The following DLG5 variants were observed in gnomAD, a reference collection of about 807,000 sequenced individuals.
DLG5 encodes the protein disks large homolog 5.
A neutral mutation model predicts 189.8 loss-of-function variants in DLG5; 48 were observed. That is an observed-to-expected ratio of 0.25 (90% CI 0.20 to 0.32). The LOEUF is 0.32. Ranked by LOEUF, DLG5 falls within the 10% of genes least tolerant of loss-of-function variation. The pLI is 1.00. For missense variants in DLG5, 2,160 were observed against 2,544.7 expected (o/e 0.85, Z 3.25); for synonymous variants, 1,016 against 1,054.1 (o/e 0.96, Z 0.70).
intron 2 of DLG5, among the ~76,000 whole-genome samples, chr10:77,863,482 C>T (rs1844552574): frequency 6.6e-6 from 1 of 152,142 alleles, no homozygotes; most frequent in South Asian, 2.1e-4. Flanking sequence ...GAGATGAGGA[C>T]CAACCTCCTC....
chr10:77,905,400 G>A (rs768376967), intron 1 of DLG5, among the ~76,000 whole-genome samples: 7 of 152,176 alleles, frequency 4.6e-5, no homozygotes, highest in African/African-American at 9.7e-5. Flanking sequence ...TGGCCAAGAT[G>A]AGAATATGGG....
chr10:77,902,859 C>CAAAAAATAAATA (rs139467052), intron 1 of DLG5, among the ~76,000 whole-genome samples: 1 of 146,594 alleles, frequency 6.8e-6, no homozygotes, highest in Non-Finnish European at 1.5e-5. Flanking sequence ...GACTCCATCT[C>CAAAAAATAAATA]AAAAAATAAA....
At chr10:77,859,916 A>C (rs1009308699) in intron 2 of DLG5, among the ~76,000 whole-genome samples, 23 of 152,170 alleles carry the variant, frequency 1.5e-4, no homozygotes, top group African/African-American at 5.6e-4. Context: ...AAAGACCCTG[A>C]GCTTCACTGC....
intron 1 of DLG5, among the ~76,000 whole-genome samples, chr10:77,887,089 G>C (rs1018372857): frequency 6.6e-6 from 1 of 152,114 alleles, no homozygotes; most frequent in Admixed American, 6.5e-5. Context: ...CTCTGTGCAG[G>C]CCCTTCCAAT....
intron 7 of DLG5, among the ~76,000 whole-genome samples, chr10:77,838,529 CTCCCCATGCTACCTCTTTGCTCCCTCT>C (rs1225016782): frequency 6.6e-6 from 1 of 152,202 alleles, no homozygotes; most frequent in African/African-American, 2.4e-5. Context: ...GGCCCCCGGC[CTCCCCATGCTACCTCTTTGCTCCCTCT>C]TTGCCTCAGC....
rs373561612 is a variant in DLG5 at position 77,821,959 on chromosome 10, G to A, written c.2525C>T (p.Thr842Met). The change falls in exon 15 of 32, where the codon ACG becomes ATG. Residue 842 changes from threonine (T) to methionine (M), a missense_variant. By Grantham distance (81) the Thr-to-Met change is moderately conservative. Coordinates refer to ENST00000372391, the MANE Select transcript of DLG5 (RefSeq NM_004747.4). ...GTCCGTGTAGAAGATGTCTGTCTGC[G>A]TGGAGTTATTGTGCTGTATCAAGTT... The part of the protein sequence containing the change: ...KRNLIQHNNS[T>M]QTDIFYTDRL... 1.9e-6 allele frequency: 3 copies of A among 1,614,122 alleles called. No homozygotes were observed. The highest frequency in any genetic ancestry group is 2.2e-5 in the East Asian group (1 of 44,890).
At chr10:77,802,147 C>T (rs373725134) in intron 27 of DLG5, among the ~76,000 whole-genome samples, 2 of 152,186 alleles carry the variant, frequency 1.3e-5, no homozygotes, top group African/African-American at 4.8e-5. Context: ...ATTTGACTGA[C>T]CCAGTGGTCC....
chr10:77,863,967 G>T lies in DLG5; in HGVS notation c.373+5162C>A, dbSNP rs553838992. Among the ~76,000 whole-genome samples the T allele has an allele frequency of 2.0e-5, 3 of 152,310 alleles. No individual in the cohort carries two copies. The South Asian group carries it at 6.2e-4, about 32-fold the overall frequency. ...AAGCAGGACAGAAGGAAGGGGCTCA[G>T]AGCCGTCCCAACACAACCCATCTCA... On this transcript the variant is annotated intron_variant, in intron 2 of 31. Transcript: ENST00000372391.
chr10:77,819,441 G>C lies in DLG5; in HGVS notation c.3551C>G (p.Pro1184Arg). The C allele has an allele frequency of 6.2e-7, 1 of 1,613,690 alleles. No individual in the cohort carries two copies. The highest frequency in any genetic ancestry group is 8.5e-7 in the Non-Finnish European group (1 of 1,179,990). ...CAGGATGGAGCTCACAGTGGTGCTG[G>C]GGGTCAAACTCCGGGGAACAGTGCC... ...SVGTVPRSLT[P>R]STTVSSILRN... Residue 1184 changes from proline to arginine, a missense_variant, in exon 17 of 32, where the codon CCC (proline) becomes CGC (arginine). Transcript: ENST00000372391.
chr10:77,793,103 A>C (rs910290057), intron 31 of DLG5: 5 of 152,588 alleles, frequency 3.3e-5, no homozygotes, highest in Non-Finnish European at 7.3e-5. Flanking sequence ...AGAAACTGCT[A>C]TGGAAACAGG....
At chr10:77,880,123 T>C (rs909691402) in intron 1 of DLG5, among the ~76,000 whole-genome samples, 1 of 151,014 alleles carries the variant, frequency 6.6e-6, no homozygotes, top group African/African-American at 2.4e-5. Context: ...AGAGGAGAAG[T>C]GGGTAGTGAG....
At chr10:77,826,140 C>A (rs12243478) in intron 13 of DLG5, among the ~76,000 whole-genome samples, 5,006 of 152,174 alleles carry the variant, frequency 0.033, 288 homozygotes, top group African/African-American at 0.11. Context: ...ACCCAGCAAA[C>A]CCCACCCCCA....
chr10:77,815,456 T>C (rs1298594044), intron 20 of DLG5, among the ~76,000 whole-genome samples: 1 of 152,182 alleles, frequency 6.6e-6, no homozygotes, highest in African/African-American at 2.4e-5. Context: ...GGTCAGGAGT[T>C]CAAGATAAGC....
intron 2 of DLG5, among the ~76,000 whole-genome samples, chr10:77,863,081 T>C (rs1017892929): frequency 1.3e-5 from 2 of 152,082 alleles, no homozygotes; most frequent in South Asian, 4.1e-4. Flanking sequence ...TCAATGAACA[T>C]AACCTTAACA....
intron 13 of DLG5, among the ~76,000 whole-genome samples, chr10:77,828,486 C>CAAA (rs34839290): frequency 0.041 from 2,709 of 66,346 alleles, 317 homozygotes; most frequent in African/African-American, 0.14. Flanking sequence ...GACTCCATAT[C>CAAA]AAAAAAAAAA....
chr10:77,828,952 G>A lies in DLG5; in HGVS notation c.2219C>T (p.Ala740Val). The change falls in exon 13 of 32, where the codon GCT (alanine) becomes GTT (valine). Residue 740 changes from alanine to valine, a missense_variant. Physicochemically the swap from Ala to Val is moderately conservative, Grantham distance 64. Around this residue, in one of 5 missense-constraint regions of DLG5, gnomAD observed 107 missense variants for 214.5 expected, o/e 0.50. Transcript: ENST00000372391. Reference protein sequence around the residue: ...SGISLENGVYAAAVLPGSPAA... With the variant: ...SGISLENGVYVAAVLPGSPAA... ...AGGGCTTCCAGGCAGCACAGCGGCA[G>A]CATACACTCCATTCTCCAGACTGAT... is the stretch of plus-strand genomic sequence containing the variant. The A allele has an allele frequency of 3.7e-6, 6 of 1,614,136 alleles. No individual in the cohort carries two copies. The highest frequency in any genetic ancestry group is 5.1e-6 in the Non-Finnish European group (6 of 1,180,012).
intron 1 of DLG5, among the ~76,000 whole-genome samples, chr10:77,891,093 C>T (rs897640225): frequency 1.3e-5 from 2 of 152,286 alleles, no homozygotes; most frequent in Admixed American, 6.5e-5. Flanking sequence ...GAGACCTCTC[C>T]GAGGAGTTTC....
chr10:77,868,003 CA>C (rs761393631), intron 2 of DLG5: 5 of 456,594 alleles, frequency 1.1e-5, no homozygotes, highest in South Asian at 4.6e-5. Context: ...GTCGGCAAAC[CA>C]AGGAGCACCA....
At chr10:77,857,972 C>G (rs1226729970) in intron 2 of DLG5, among the ~76,000 whole-genome samples, 1 of 152,216 alleles carries the variant, frequency 6.6e-6, no homozygotes, top group African/African-American at 2.4e-5. Flanking sequence ...CCCTGTCCCA[C>G]TGATCCTTGT....
Sources: allele counts gnomAD v4.1 joint callset (sites outside exome capture counted in the v4.1 genomes callset), GRCh38; gene constraint gnomAD v4.1.1; regional missense constraint gnomAD v4.1.1; transcripts MANE v1.5; gene names NCBI Gene and HGNC (gene_info 2026-07-23, HGNC 2026-07-21).